Variants in ZNF37A observed in about 807,000 individuals in gnomAD.
ZNF37A encodes the protein zinc finger protein 37A.
A neutral mutation model predicts 12.3 loss-of-function variants in ZNF37A; 10 were observed. That is an observed-to-expected ratio of 0.82 (90% CI 0.50 to 1.38). ZNF37A has a LOEUF of 1.38. Among genes scored for constraint, ZNF37A ranks in the 40% most tolerant of loss-of-function variants. ZNF37A has a pLI of 0.00. For missense variants in ZNF37A, 580 were observed against 651.2 expected (o/e 0.89, Z 1.19); for synonymous variants, 207 against 223.0 (o/e 0.93, Z 0.64).
chr10:38,127,859 G>A (rs1296654340), downstream of ZNF37A, among the ~76,000 whole-genome samples: 2 of 152,190 alleles, frequency 1.3e-5, no homozygotes, highest in Non-Finnish European at 2.9e-5. Flanking sequence ...CAAGGAAGCA[G>A]AATGAAAGAA....
At chr10:38,148,265 G>A (rs2070279122) in exon 8 of ZNF37A, 1 of 152,236 alleles carries the variant, frequency 6.6e-6, no homozygotes, top group South Asian at 2.1e-4. Context: ...ACAGAATTAG[G>A]TGACTTTGTC....
At chr10:38,104,404 G>A (rs373131374) in intron 5 of ZNF37A, among the ~76,000 whole-genome samples, 8 of 151,786 alleles carry the variant, frequency 5.3e-5, no homozygotes, top group Admixed American at 1.3e-4. Flanking sequence ...TGTTCTGGGT[G>A]TACTAGGTTT....
intron 7 of ZNF37A, chr10:38,137,964 G>A (rs1267095099): frequency 6.6e-6 from 1 of 152,154 alleles, no homozygotes; most frequent in African/African-American, 2.4e-5. Context: ...TAGTTTTCCT[G>A]TATTGGAAGT....
chr10:38,144,666 G>T (rs1214195324), intron 7 of ZNF37A, among the ~76,000 whole-genome samples: 4 of 152,126 alleles, frequency 2.6e-5, no homozygotes, highest in Non-Finnish European at 5.9e-5. Flanking sequence ...CTGAATGTCT[G>T]CTGACCTAAT....
intron 7 of ZNF37A, among the ~76,000 whole-genome samples, chr10:38,132,354 G>A (rs552024490): frequency 2.6e-5 from 4 of 152,132 alleles, no homozygotes; most frequent in East Asian, 3.9e-4. Context: ...CAACTGAAAC[G>A]ATCATGTATA....
chr10:38,117,226 G>A (rs1396573136), intron 7 of ZNF37A, 164 bp from the exon 8 acceptor site: 3 of 985,048 alleles, frequency 3.0e-6, no homozygotes, highest in Non-Finnish European at 3.6e-6. Flanking sequence ...TGTTGCTGCT[G>A]TGTTGACTTG....
At chr10:38,135,392 C>T (rs79231449) in intron 7 of ZNF37A, among the ~76,000 whole-genome samples, 5,319 of 152,170 alleles carry the variant, frequency 0.035, 121 homozygotes, top group Non-Finnish European at 0.051. Flanking sequence ...CTCAAAAAAA[C>T]AAAACAAAAC....
intron 5 of ZNF37A, among the ~76,000 whole-genome samples, chr10:38,100,800 G>A (rs1036593788): frequency 2.6e-5 from 4 of 152,162 alleles, no homozygotes; most frequent in Non-Finnish European, 4.4e-5. Context: ...AATCACAAGG[G>A]TATTGATTGG....
rs2069565571 is a variant in ZNF37A at position 38,119,485 on chromosome 10, C to T, written c.*648C>T. 1 of 783,624 alleles carries T rather than the reference C, an allele frequency of 1.3e-6. No individual in the cohort carries two copies. The highest frequency in any genetic ancestry group is 1.5e-6 in the Non-Finnish European group (1 of 645,954). The allele number at this position is 783,624 out of a possible 1,614,324, so 48.5% of individuals were successfully genotyped here. ...GTAGAGAAAGTATTTTTAACTGTAT[C>T]CAATGTGTGGATGTTTTAAGTTAAA... is the stretch of plus-strand genomic sequence containing the variant. On this transcript the variant is annotated 3_prime_UTR_variant, in exon 8 of 8. Coordinates refer to ENST00000685332, the MANE Select transcript of ZNF37A (RefSeq NM_001324250.3).
At chr10:38,135,095 A>C (rs1333887258) in intron 7 of ZNF37A, among the ~76,000 whole-genome samples, 2 of 152,166 alleles carry the variant, frequency 1.3e-5, no homozygotes, top group South Asian at 4.1e-4. Context: ...GCATACAAAA[A>C]CTGTTTCTTG....
intron 7 of ZNF37A, 133 bp downstream of exon 7, chr10:38,115,423 A>T: frequency 7.6e-7 from 1 of 1,320,740 alleles, no homozygotes; most frequent in Non-Finnish European, 1.0e-6. Context: ...TAACATGTTG[A>T]CGTGACCCAA....
intron 5 of ZNF37A, among the ~76,000 whole-genome samples, chr10:38,105,861 A>C (rs775604236): frequency 1.3e-5 from 2 of 152,208 alleles, no homozygotes; most frequent in Non-Finnish European, 2.9e-5. Context: ...GTACTCTGCA[A>C]CTATGCCAAA....
chr10:38,104,118 T>G (rs2067826442), intron 5 of ZNF37A, among the ~76,000 whole-genome samples: 1 of 152,170 alleles, frequency 6.6e-6, no homozygotes, highest in Non-Finnish European at 1.5e-5. Context: ...CCCCATGTGT[T>G]TCCTTCCCAG....
chr10:38,102,429 A>G (rs985583884), intron 5 of ZNF37A, among the ~76,000 whole-genome samples: 1 of 152,294 alleles, frequency 6.6e-6, no homozygotes, highest in East Asian at 1.9e-4. Flanking sequence ...CCTTAATATT[A>G]TATAAAAACT....
At chr10:38,140,601 T>C (rs1240124805) in intron 7 of ZNF37A, 2 of 152,224 alleles carry the variant, frequency 1.3e-5, no homozygotes, top group Non-Finnish European at 2.9e-5. Flanking sequence ...CAGATACATA[T>C]ACATAGAGAT....
At position 38,120,429 on chromosome 10, in the gene ZNF37A, CA is replaced by C. The variant is rs11321804; in HGVS notation, c.*1601del. 0.48 allele frequency: 73,107 copies of C among 150,760 alleles called. 17,786 individuals are homozygous for C. Among genetic ancestry groups the C allele is most frequent in the East Asian group, 0.54 (2,781 of 5,126 alleles). 9.3% of individuals were successfully genotyped at this position (150,760 alleles called of 1,614,324 possible). A position where few individuals can be genotyped will look rare whatever the true frequency, so the allele number is the denominator to read the frequency against. ...GAGTGACAGAGAGAGATTCAAAAAACAAAAAAAAAGCAAAAATATACTTTGC... is the reference window on the plus strand; with the variant it reads ...GAGTGACAGAGAGAGATTCAAAAAACAAAAAAAAGCAAAAATATACTTTGC... On this transcript the variant is annotated 3_prime_UTR_variant, in exon 8 of 8. Transcript: ENST00000685332.
At position 38,117,507 on chromosome 10, in the gene ZNF37A, A is replaced by C. The variant is rs2069366329; in HGVS notation, c.356A>C (p.Glu119Ala). ...ATTCATTCTGAAGAGGAACCTTCTG[A>C]ATATAATAAAAATGGGAACAGCTTC... ...EIIHSEEEPSEYNKNGNSFWL... is the reference protein window; with the variant it reads ...EIIHSEEEPSAYNKNGNSFWL... The change falls in exon 8 of 8, where the codon GAA becomes GCA. Residue 119 changes from glutamate (E) to alanine (A), a missense_variant. Coordinates refer to ENST00000685332, the MANE Select transcript of ZNF37A (RefSeq NM_001324250.3). 5 of 1,613,282 alleles carry C rather than the reference A, an allele frequency of 3.1e-6. No homozygotes were observed. Among genetic ancestry groups the C allele is most frequent in the Admixed American group, 1.7e-5 (1 of 59,836 alleles).
At chr10:38,129,301 GTC>G (rs2069977131), downstream of ZNF37A, among the ~76,000 whole-genome samples, 1 of 44,166 alleles carries the variant, frequency 2.3e-5, no homozygotes, top group Non-Finnish European at 5.1e-5. Flanking sequence ...GCAAGACTCT[GTC>G]TAAAAAAAAA....
In ZNF37A at chr10:38,118,316, G is replaced by A. The variant is rs765600923; in HGVS notation, c.1165G>A (p.Gly389Arg). ...GAAGCCCTATGAATGCTATGCATGT[G>A]GGAAAGCCTTTCTCAGAAAATCAGA... ...GEKPYECYACGKAFLRKSDLI... is the reference protein window; with the variant it reads ...GEKPYECYACRKAFLRKSDLI... Residue 389 changes from glycine (G) to arginine (R), a missense_variant, in exon 8 of 8, where the codon GGG becomes AGG. Transcript: ENST00000685332. 1.2e-6 allele frequency: 2 copies of A among 1,613,838 alleles called. No homozygotes were observed. Among genetic ancestry groups the A allele is most frequent in the Admixed American group, 3.3e-5 (2 of 59,942 alleles).
Sources: allele counts gnomAD v4.1 joint callset (sites outside exome capture counted in the v4.1 genomes callset), GRCh38; gene constraint gnomAD v4.1.1; transcripts MANE v1.5; gene names NCBI Gene and HGNC (gene_info 2026-07-23, HGNC 2026-07-21).